Variants in BCKDHB observed in about 807,000 individuals in gnomAD.
BCKDHB encodes the protein branched chain keto acid dehydrogenase E1 subunit beta.
Under a neutral mutation model 48.5 loss-of-function variants are expected in BCKDHB, and 41 were observed. That is an observed-to-expected ratio of 0.85 (90% CI 0.66 to 1.10). The LOEUF (loss-of-function observed/expected upper bound fraction) is 1.10. BCKDHB is among the 50% of genes least tolerant of loss of function. BCKDHB has a pLI of 0.00. For synonymous variants in BCKDHB, 201 were observed against 174.8 expected (o/e 1.15, Z -1.18); for missense variants, 496 against 494.2 (o/e 1.00, Z -0.03).
intron 3 of BCKDHB, among the ~76,000 whole-genome samples, chr6:80,145,829 C>G (rs1771458986): frequency 6.6e-6 from 1 of 152,092 alleles, no homozygotes; most frequent in Non-Finnish European, 1.5e-5. Flanking sequence ...TAATAAACAC[C>G]ACCAGGCTTT....
chr6:80,233,814 T>G (rs1776034073), intron 8 of BCKDHB, among the ~76,000 whole-genome samples: 1 of 152,136 alleles, frequency 6.6e-6, no homozygotes, highest in Non-Finnish European at 1.5e-5. Context: ...TTTCTGAAAT[T>G]CCAAACCCCA....
chr6:80,450,149 A>G, the BCKDHB span, among the ~76,000 whole-genome samples: 3 of 152,180 alleles, frequency 2.0e-5, no homozygotes, highest in Non-Finnish European at 4.4e-5. Context: ...AGGGTGTTTT[A>G]TGTTTGTCAA....
chr6:80,380,981 G>C, the BCKDHB span, among the ~76,000 whole-genome samples: 1 of 151,962 alleles, frequency 6.6e-6, no homozygotes, highest in East Asian at 1.9e-4. Context: ...CATGTCATCT[G>C]TGAAGAGAGG....
the BCKDHB span, among the ~76,000 whole-genome samples, chr6:80,385,602 C>G: frequency 2.1e-4 from 32 of 152,276 alleles, 1 homozygote; most frequent in Admixed American, 2.0e-3. Context: ...CCTGAGGCAA[C>G]AGTGATGGCC....
chr6:80,234,514 A>G (rs933055014), intron 8 of BCKDHB, among the ~76,000 whole-genome samples: 1 of 152,186 alleles, frequency 6.6e-6, no homozygotes, highest in Non-Finnish European at 1.5e-5. Context: ...TTCAGAGCAG[A>G]TTATACTAAC....
At chr6:80,211,871 C>T (rs762169657) in intron 8 of BCKDHB, among the ~76,000 whole-genome samples, 1 of 152,152 alleles carries the variant, frequency 6.6e-6, no homozygotes, top group African/African-American at 2.4e-5. Flanking sequence ...CCACCTGAGC[C>T]TCAAATCAGC....
At chr6:80,285,450 C>T (rs996447256) in intron 9 of BCKDHB, among the ~76,000 whole-genome samples, 6 of 152,064 alleles carry the variant, frequency 3.9e-5, no homozygotes, top group African/African-American at 1.2e-4. Context: ...CTTTACTAAC[C>T]TATATCTATA....
At chr6:80,203,847 A>G (rs1774512208) in intron 8 of BCKDHB, among the ~76,000 whole-genome samples, 1 of 152,034 alleles carries the variant, frequency 6.6e-6, no homozygotes, top group Admixed American at 6.6e-5. Flanking sequence ...TTACCTCTTT[A>G]TATCCAGTAT....
the BCKDHB span, among the ~76,000 whole-genome samples, chr6:80,432,945 T>C: frequency 6.6e-6 from 1 of 152,206 alleles, no homozygotes; most frequent in Non-Finnish European, 1.5e-5. Flanking sequence ...TGGAGTTTGC[T>C]GGAGGTCCAC....
chr6:80,194,888 A>G (rs1047800816), intron 6 of BCKDHB, among the ~76,000 whole-genome samples: 2 of 152,164 alleles, frequency 1.3e-5, no homozygotes, highest in Non-Finnish European at 2.9e-5. Flanking sequence ...CTTTTGCCAT[A>G]ATACTCAGTA....
chr6:80,314,099 G>A (rs968951840), intron 9 of BCKDHB, among the ~76,000 whole-genome samples: 1 of 152,028 alleles, frequency 6.6e-6, no homozygotes, highest in Non-Finnish European at 1.5e-5. Context: ...TCTTAATCTT[G>A]AGTTCTAATT....
At chr6:80,293,948 C>T (rs1453448910) in intron 9 of BCKDHB, among the ~76,000 whole-genome samples, 1 of 152,196 alleles carries the variant, frequency 6.6e-6, no homozygotes, top group Non-Finnish European at 1.5e-5. Flanking sequence ...CCACCTCAGC[C>T]TGGACCTTAT....
the BCKDHB span, among the ~76,000 whole-genome samples, chr6:80,391,953 T>C: frequency 6.6e-6 from 1 of 152,168 alleles, no homozygotes; most frequent in Non-Finnish European, 1.5e-5. Flanking sequence ...TACCCCTCTT[T>C]ATTGATCACT....
At chr6:80,278,760 T>C (rs549858007) in intron 9 of BCKDHB, among the ~76,000 whole-genome samples, 1 of 152,262 alleles carries the variant, frequency 6.6e-6, no homozygotes, top group African/African-American at 2.4e-5. Context: ...GGTTTCACCA[T>C]CTTGGCCAGG....
chr6:80,178,461 CAG>C (rs1773267569), intron 6 of BCKDHB, among the ~76,000 whole-genome samples: 1 of 152,202 alleles, frequency 6.6e-6, no homozygotes, highest in Non-Finnish European at 1.5e-5. Flanking sequence ...TGATTTAACA[CAG>C]ATACTTCTTT....
intron 6 of BCKDHB, among the ~76,000 whole-genome samples, chr6:80,195,211 T>C (rs933284762): frequency 1.3e-5 from 2 of 152,134 alleles, no homozygotes; most frequent in African/African-American, 4.8e-5. Context: ...TTTAATAGTA[T>C]CTTGATTTAG....
At chr6:80,181,408 G>T (rs1296115541) in intron 6 of BCKDHB, among the ~76,000 whole-genome samples, 1 of 151,854 alleles carries the variant, frequency 6.6e-6, no homozygotes, top group Non-Finnish European at 1.5e-5. Flanking sequence ...GTCAGCCATC[G>T]ATGCTTAACA....
intron 6 of BCKDHB, among the ~76,000 whole-genome samples, chr6:80,183,083 G>A (rs115477905): frequency 0.018 from 2,786 of 152,164 alleles, 79 homozygotes; most frequent in African/African-American, 0.064. Flanking sequence ...ATATGTGTAT[G>A]TAGAAGAAGA....
chr6:80,459,580 G>A, the BCKDHB span, among the ~76,000 whole-genome samples: 29 of 152,102 alleles, frequency 1.9e-4, no homozygotes, highest in East Asian at 5.0e-3. Flanking sequence ...CATCAACAAT[G>A]TACTGTATGC....
Sources: gnomAD v4.1 joint callset for allele counts (sites outside exome capture counted in the v4.1 genomes callset) on GRCh38, gnomAD v4.1.1 for gene constraint, MANE v1.5 for transcripts, NCBI Gene and HGNC (gene_info 2026-07-23, HGNC 2026-07-21) for gene names.